Variants in SUMF1 observed in about 807,000 individuals in gnomAD.
The protein encoded by SUMF1 is sulfatase modifying factor 1, also known as formylglycine-generating enzyme.
Under a neutral mutation model 47.6 loss-of-function variants are expected in SUMF1, and 48 were observed. The observed-to-expected ratio is 1.01, with a 90% CI of 0.80 to 1.28. The LOEUF (loss-of-function observed/expected upper bound fraction) is 1.28. SUMF1 is among the 50% of genes most tolerant of loss of function. The pLI is 0.00. For synonymous variants in SUMF1, 230 were observed against 192.1 expected (o/e 1.20, Z -1.63); for missense variants, 571 against 485.4 (o/e 1.18, Z -1.66).
chr3:4,122,999 T>C (rs1693578909), intron 8 of SUMF1, among the ~76,000 whole-genome samples: 1 of 152,194 alleles, frequency 6.6e-6, no homozygotes. Context: ...ATTTCCTTAG[T>C]ACCAGGCATC....
intron 8 of SUMF1, among the ~76,000 whole-genome samples, chr3:4,121,186 T>C (rs1250689398): frequency 1.3e-5 from 2 of 152,154 alleles, no homozygotes; most frequent in African/African-American, 4.8e-5. Flanking sequence ...TTCCCAGCCA[T>C]TATTAACATT....
At chr3:4,417,942 T>A (rs981343882) in intron 5 of SUMF1, 68 bp downstream of exon 5, 1 of 1,611,410 alleles carries the variant, frequency 6.2e-7, no homozygotes, top group African/African-American at 1.3e-5. Flanking sequence ...TTCCATGGAG[T>A]TTTTTGTTGT....
intron 8 of SUMF1, among the ~76,000 whole-genome samples, chr3:4,158,925 T>TA (rs1236865835): frequency 1.3e-5 from 2 of 151,634 alleles, no homozygotes; most frequent in East Asian, 1.9e-4. Flanking sequence ...TCTCTTTTTT[T>TA]ATCCACTCAG....
At chr3:4,186,067 G>C (rs559984781) in intron 8 of SUMF1, among the ~76,000 whole-genome samples, 2 of 152,216 alleles carry the variant, frequency 1.3e-5, no homozygotes, top group East Asian at 3.9e-4. Context: ...TTCTATTCCA[G>C]TCATCACTGG....
intron 9 of SUMF1, among the ~76,000 whole-genome samples, chr3:4,057,634 A>T: frequency 6.6e-6 from 1 of 152,106 alleles, no homozygotes; most frequent in East Asian, 1.9e-4. Context: ...TGTTATGAAT[A>T]TTAAATTACA....
At chr3:4,195,766 T>C (rs1464817954) in intron 8 of SUMF1, among the ~76,000 whole-genome samples, 1 of 152,178 alleles carries the variant, frequency 6.6e-6, no homozygotes, top group East Asian at 1.9e-4. Context: ...CAATTGATCA[T>C]GGTTTTTAAA....
rs149081676 is a variant in SUMF1 at position 4,067,316 on chromosome 3, G to A, written c.1191+1253C>T. On this transcript the variant is annotated intron_variant and NMD_transcript_variant, in intron 9 of 12. Coordinates refer to the SUMF1 transcript ENST00000448413. ...CTATAAGGGATGACACTATATTCTA[G>A]CCATTGGTTTTGAGGCATATATACC... Among the ~76,000 whole-genome samples, 965 of 152,228 alleles carry A rather than the reference G, an allele frequency of 6.3e-3. 8 individuals are homozygous for A. The highest frequency in any genetic ancestry group is 0.022 in the African/African-American group (917 of 41,526).
chr3:4,213,783 T>G (rs1695853285), intron 8 of SUMF1, among the ~76,000 whole-genome samples: 2 of 152,068 alleles, frequency 1.3e-5, no homozygotes, highest in Admixed American at 1.3e-4. Context: ...AAACAGACTT[T>G]AAACCAACAA....
intron 8 of SUMF1, among the ~76,000 whole-genome samples, chr3:4,261,331 G>T (rs1322266412): frequency 2.6e-5 from 4 of 152,048 alleles, no homozygotes; most frequent in African/African-American, 7.3e-5. Context: ...GGACAAGTAA[G>T]TAAAAGGAAG....
At chr3:4,129,614 C>T (rs1693738163) in intron 8 of SUMF1, among the ~76,000 whole-genome samples, 1 of 152,048 alleles carries the variant, frequency 6.6e-6, no homozygotes, top group African/African-American at 2.4e-5. Flanking sequence ...AAAATTTATA[C>T]AGTGAATCTT....
chr3:4,213,155 C>A (rs1165853232), intron 8 of SUMF1, among the ~76,000 whole-genome samples: 1 of 152,046 alleles, frequency 6.6e-6, no homozygotes, highest in South Asian at 2.1e-4. Flanking sequence ...TTAAGGGCAG[C>A]CAGAGAGAAA....
intron 8 of SUMF1, among the ~76,000 whole-genome samples, chr3:4,167,600 T>A (rs976803838): frequency 6.6e-6 from 1 of 152,126 alleles, no homozygotes; most frequent in African/African-American, 2.4e-5. Flanking sequence ...AGAGCGCTGA[T>A]TGGTGCATTT....
At chr3:4,328,940 A>G (rs188775291) in intron 8 of SUMF1, among the ~76,000 whole-genome samples, 162 of 152,328 alleles carry the variant, frequency 1.1e-3, no homozygotes, top group South Asian at 2.3e-3. Flanking sequence ...AGATTGGCCA[A>G]AATGAAGGGG....
chr3:4,443,374 G>T (rs1702671825), intron 3 of SUMF1, among the ~76,000 whole-genome samples: 1 of 152,134 alleles, frequency 6.6e-6, no homozygotes, highest in Non-Finnish European at 1.5e-5. Context: ...ATGAGGTAGA[G>T]AAGTCAAGTA....
At chr3:4,407,444 G>A (rs932998661) in intron 7 of SUMF1, among the ~76,000 whole-genome samples, 3 of 152,022 alleles carry the variant, frequency 2.0e-5, no homozygotes, top group Non-Finnish European at 2.9e-5. Context: ...TACTAACCAC[G>A]TGGATATTTT....
chr3:4,201,243 A>G (rs1574973098), intron 8 of SUMF1, among the ~76,000 whole-genome samples: 1 of 151,978 alleles, frequency 6.6e-6, no homozygotes, highest in East Asian at 1.9e-4. Flanking sequence ...TATTCTATAT[A>G]ACTATATTTT....
At chr3:4,087,883 C>T (rs1574871221) in intron 8 of SUMF1, among the ~76,000 whole-genome samples, 1 of 151,986 alleles carries the variant, frequency 6.6e-6, no homozygotes, top group East Asian at 1.9e-4. Context: ...GATAAATCAG[C>T]CATTCCCAGC....
At chr3:4,458,622 G>A (rs561958129) in intron 1 of SUMF1, among the ~76,000 whole-genome samples, 4 of 152,294 alleles carry the variant, frequency 2.6e-5, no homozygotes, top group Middle Eastern at 3.4e-3. Context: ...TTGGGAGGCC[G>A]AGGCAAGGGG....
intron 8 of SUMF1, among the ~76,000 whole-genome samples, chr3:4,369,561 C>T (rs986116979): frequency 6.6e-6 from 1 of 152,192 alleles, no homozygotes; most frequent in African/African-American, 2.4e-5. Context: ...GGGAGCTACA[C>T]AGATGACATG....
Sources: gnomAD v4.1 joint callset for allele counts (sites outside exome capture counted in the v4.1 genomes callset) on GRCh38, gnomAD v4.1.1 for gene constraint, MANE v1.5 for transcripts, NCBI Gene and HGNC (gene_info 2026-07-23, HGNC 2026-07-21) for gene names.